CREB3L2: variants seen among roughly 807,000 people sequenced by gnomAD.
CREB3L2 encodes cAMP responsive element binding protein 3 like 2.
In CREB3L2, 23 loss-of-function variants were observed where a neutral mutation model predicts 57.2. The observed-to-expected ratio is 0.40, with a 90% CI of 0.29 to 0.57. The LOEUF (loss-of-function observed/expected upper bound fraction) is 0.57, where lower values mean the gene tolerates loss of function less well. Ranked by LOEUF, CREB3L2 falls within the 20% of genes least tolerant of loss-of-function variation. The pLI is 0.42. For missense variants in CREB3L2, 628 were observed against 634.7 expected, an observed-to-expected ratio of 0.99 and a Z score of 0.11; for synonymous variants, 268 against 265.1, an observed-to-expected ratio of 1.01 and a Z score of -0.11.
At chr7:137,982,467 G>A (rs1241352687) in intron 1 of CREB3L2, among the ~76,000 whole-genome samples, 2 of 152,148 alleles carry the variant, frequency 1.3e-5, no homozygotes, top group African/African-American at 4.8e-5. Flanking sequence ...CAGTTCCCAT[G>A]TGTCATGGGA....
intron 2 of CREB3L2, among the ~76,000 whole-genome samples, chr7:137,921,322 A>C (rs1362813370): frequency 6.6e-6 from 1 of 152,238 alleles, no homozygotes; most frequent in African/African-American, 2.4e-5. Context: ...TCAAAGGTCA[A>C]ACTCGACTGG....
At chr7:137,956,096 T>G (rs1801204802) in intron 1 of CREB3L2, among the ~76,000 whole-genome samples, 1 of 152,188 alleles carries the variant, frequency 6.6e-6, no homozygotes, top group African/African-American at 2.4e-5. Context: ...CACCAGGTAT[T>G]TGGTGGCAAG....
chr7:137,986,674 C>T lies in CREB3L2; in HGVS notation c.102+14930G>A, dbSNP rs111242977. ...CAAGAGGACAGTCAGAATCCCACAC[C>T]GAAACTGGGAGGGTGGGAATAAGAA... On this transcript the variant is annotated intron_variant, in intron 1 of 11. Coordinates refer to ENST00000330387, the MANE Select transcript of CREB3L2 (RefSeq NM_194071.4). Among the ~76,000 whole-genome samples, 6 of 152,270 alleles carry T rather than the reference C, an allele frequency of 3.9e-5. 1 individual carries two copies. The highest frequency in any genetic ancestry group is 1.4e-4 in the African/African-American group (6 of 41,556).
chr7:137,904,245 G>A (rs1799832483), intron 6 of CREB3L2, among the ~76,000 whole-genome samples: 1 of 152,202 alleles, frequency 6.6e-6, no homozygotes, highest in South Asian at 2.1e-4. Context: ...AATGGACACT[G>A]AGTGGCCAGG....
At chr7:137,958,789 T>G (rs756320036) in intron 1 of CREB3L2, among the ~76,000 whole-genome samples, 1 of 152,164 alleles carries the variant, frequency 6.6e-6, no homozygotes, top group Non-Finnish European at 1.5e-5. Context: ...AGCTAACACT[T>G]CCTCATTCTG....
intron 8 of CREB3L2, among the ~76,000 whole-genome samples, chr7:137,897,292 G>A (rs2117192845): frequency 6.6e-6 from 1 of 152,266 alleles, no homozygotes; most frequent in East Asian, 1.9e-4. Context: ...GCTTTAACAG[G>A]TGGCTAAGCT....
At chr7:137,945,827 A>C (rs1012734489) in intron 1 of CREB3L2, among the ~76,000 whole-genome samples, 45 of 152,026 alleles carry the variant, frequency 3.0e-4, no homozygotes, top group South Asian at 6.2e-4. Flanking sequence ...CTCTGAAATG[A>C]CTCCTAACAA....
At chr7:137,885,232 T>C in intron 9 of CREB3L2, 111 bp from the exon 10 acceptor site, 1 of 1,311,338 alleles carries the variant, frequency 7.6e-7, no homozygotes. Flanking sequence ...GCCAGTGGAC[T>C]GCACCCACCA....
chr7:137,989,658 G>A (rs1467436656), intron 1 of CREB3L2, among the ~76,000 whole-genome samples: 2 of 151,926 alleles, frequency 1.3e-5, no homozygotes, highest in African/African-American at 4.8e-5. Flanking sequence ...CCTTTCTCCA[G>A]AACTCCAGAC....
intron 1 of CREB3L2, among the ~76,000 whole-genome samples, chr7:137,930,259 A>C (rs547950972): frequency 6.6e-6 from 1 of 152,230 alleles, no homozygotes; most frequent in Non-Finnish European, 1.5e-5. Context: ...CCTTCTTAAC[A>C]TTCTCTGAAT....
chr7:137,987,314 G>A (rs909631501), intron 1 of CREB3L2, among the ~76,000 whole-genome samples: 11 of 152,116 alleles, frequency 7.2e-5, no homozygotes, highest in African/African-American at 1.7e-4. Context: ...GGGAAATGCC[G>A]CACCACAGTT....
At chr7:137,918,602 C>T (rs79278487) in intron 2 of CREB3L2, among the ~76,000 whole-genome samples, 6,351 of 152,106 alleles carry the variant, frequency 0.042, 379 homozygotes, top group East Asian at 0.17. Context: ...CTGAAATGGA[C>T]GGTAAGGAAG....
In CREB3L2 at chr7:137,908,342, G is replaced by A; in HGVS notation, c.678C>T (p.Pro226=). 1 of 1,258,524 alleles carries A rather than the reference G, an allele frequency of 7.9e-7. No homozygotes were observed. The highest frequency in any genetic ancestry group is 1.0e-6 in the Non-Finnish European group (1 of 992,912). 78.0% of individuals were successfully genotyped at this position (1,258,524 alleles called of 1,614,324 possible). ...GSLSPNPRLH[P]FSLPQTHSPS... ...GGCTGTGGGTCTGAGGCAGGCTGAAGGGGTGCAGGCGTGGGTTGGGACTCA... is the reference window on the plus strand; with the variant it reads ...GGCTGTGGGTCTGAGGCAGGCTGAAAGGGTGCAGGCGTGGGTTGGGACTCA... The change falls in exon 5 of 12, where the codon CCC becomes CCT. Residue 226 remains proline (P), a synonymous_variant. Coordinates refer to ENST00000330387, the MANE Select transcript of CREB3L2 (RefSeq NM_194071.4).
intron 1 of CREB3L2, among the ~76,000 whole-genome samples, chr7:137,972,730 TATATATAGAG>T (rs1210410609): frequency 7.3e-5 from 2 of 27,334 alleles, no homozygotes; most frequent in African/African-American, 4.5e-4. Flanking sequence ...TATATATATA[TATATATAGAG>T]AGAGAGAGAG....
intron 1 of CREB3L2, among the ~76,000 whole-genome samples, chr7:138,000,540 C>T (rs1256871290): frequency 1.3e-5 from 2 of 152,118 alleles, no homozygotes; most frequent in Non-Finnish European, 2.9e-5. Flanking sequence ...CTCAAAATAA[C>T]GTCAGCCAGA....
At chr7:137,929,138 T>C (rs926832795) in intron 1 of CREB3L2, among the ~76,000 whole-genome samples, 2 of 152,122 alleles carry the variant, frequency 1.3e-5, no homozygotes, top group Non-Finnish European at 2.9e-5. Context: ...CCATCCTTCA[T>C]CTCTAATACC....
At chr7:137,886,440 C>G (rs768739077) in intron 8 of CREB3L2, among the ~76,000 whole-genome samples, 2 of 150,626 alleles carry the variant, frequency 1.3e-5, no homozygotes, top group South Asian at 2.1e-4. Flanking sequence ...AATGCCAACA[C>G]AGAGTAACAG....
intron 1 of CREB3L2, among the ~76,000 whole-genome samples, chr7:137,931,104 C>T (rs12536683): frequency 0.12 from 17,430 of 151,396 alleles, 1,265 homozygotes; most frequent in Admixed American, 0.23. Flanking sequence ...TGGTGGTGCA[C>T]GCCTGTAGTC....
At chr7:137,959,907 T>C (rs1380595431) in intron 1 of CREB3L2, among the ~76,000 whole-genome samples, 1 of 152,190 alleles carries the variant, frequency 6.6e-6, no homozygotes, top group African/African-American at 2.4e-5. Context: ...CAGTAACTTT[T>C]CACTTTCACT....
Sources: gnomAD v4.1 joint callset for allele counts (sites outside exome capture counted in the v4.1 genomes callset) on GRCh38, gnomAD v4.1.1 for gene constraint, MANE v1.5 for transcripts, NCBI Gene and HGNC (gene_info 2026-07-23, HGNC 2026-07-21) for gene names.